Variants in DOCK10 observed in about 807,000 individuals in gnomAD.
The protein encoded by DOCK10 is dedicator of cytokinesis protein 10.
DOCK10 carries 145 observed loss-of-function variants against 280.1 expected under a neutral mutation model. The ratio of observed to expected loss-of-function variants is 0.52; its 90% confidence interval spans 0.45 to 0.59. The LOEUF (loss-of-function observed/expected upper bound fraction) is 0.59. DOCK10 is among the 20% of genes least tolerant of loss of function. DOCK10 has a pLI of 0.00. For synonymous variants in DOCK10, 915 were observed against 942.2 expected (o/e 0.97, Z 0.53); for missense variants, 2,368 against 2,651.7 (o/e 0.89, Z 2.35).
intron 2 of DOCK10, among the ~76,000 whole-genome samples, chr2:224,924,279 C>A (rs548861979): frequency 6.6e-6 from 1 of 152,258 alleles, no homozygotes; most frequent in Admixed American, 6.5e-5. Context: ...CAGAGTTGTG[C>A]AACCATTACC....
At chr2:225,014,088 T>G (rs1263480646) in intron 1 of DOCK10, among the ~76,000 whole-genome samples, 2 of 107,708 alleles carry the variant, frequency 1.9e-5, no homozygotes, top group Admixed American at 1.7e-4. Context: ...TATATTGTTT[T>G]TTTTTTTTTG....
intron 18 of DOCK10, among the ~76,000 whole-genome samples, chr2:224,850,999 T>C (rs1696692801): frequency 6.6e-6 from 1 of 152,200 alleles, no homozygotes; most frequent in South Asian, 2.1e-4. Flanking sequence ...GGTCTAGAGT[T>C]AAGGTCTTGT....
intron 1 of DOCK10, among the ~76,000 whole-genome samples, chr2:224,953,343 G>A (rs1455269692): frequency 6.6e-6 from 1 of 152,090 alleles, no homozygotes; most frequent in Non-Finnish European, 1.5e-5. Context: ...TTGCCTGCAG[G>A]TTAGTTTGCT....
intron 1 of DOCK10, among the ~76,000 whole-genome samples, chr2:224,962,446 C>T (rs559042832): frequency 6.6e-6 from 1 of 152,300 alleles, no homozygotes; most frequent in South Asian, 2.1e-4. Flanking sequence ...AGTCCACTCT[C>T]TACCCACTTT....
At chr2:225,005,402 T>C (rs1706538495) in intron 1 of DOCK10, among the ~76,000 whole-genome samples, 1 of 152,258 alleles carries the variant, frequency 6.6e-6, no homozygotes, top group Non-Finnish European at 1.5e-5. Context: ...TAATTCTAAT[T>C]GGATTTTATA....
intron 11 of DOCK10, among the ~76,000 whole-genome samples, chr2:224,871,874 G>A (rs1298610160): frequency 6.6e-6 from 1 of 152,086 alleles, no homozygotes; most frequent in South Asian, 2.1e-4. Flanking sequence ...TTTGCATAAT[G>A]TGCACTTAAA....
At chr2:224,894,715 T>A (rs1422703002) in intron 4 of DOCK10, among the ~76,000 whole-genome samples, 1 of 152,174 alleles carries the variant, frequency 6.6e-6, no homozygotes, top group Non-Finnish European at 1.5e-5. Flanking sequence ...AACGTTACTG[T>A]TCAGTGTTTT....
rs760975900 is a variant in DOCK10 at position 224,823,521 on chromosome 2, T to C, written c.3163A>G (p.Ser1055Gly). ...ALEETRRANH[S>G]VARFLKRCFT... ...TGTACCTTGAGAAATCTGGCAACGC[T>C]GTGGTTTGCCCTTCTTGTTTCTTCA... Residue 1055 changes from serine to glycine, a missense_variant, in exon 28 of 56, where the codon AGC (serine) becomes GGC (glycine). Physicochemically the swap from Ser to Gly is moderately conservative, Grantham distance 56 (BLOSUM62 0). Transcript: ENST00000258390. The C allele has an allele frequency of 6.2e-7, 1 of 1,604,316 alleles. No homozygotes were observed. Among genetic ancestry groups the C allele is most frequent in the East Asian group, 2.3e-5 (1 of 44,284 alleles).
chr2:224,949,503 T>A (rs1002521959), intron 1 of DOCK10, among the ~76,000 whole-genome samples: 7 of 152,052 alleles, frequency 4.6e-5, no homozygotes, highest in Non-Finnish European at 1.0e-4. Context: ...TACAGAGGAG[T>A]TCATTAGAGT....
intron 53 of DOCK10, among the ~76,000 whole-genome samples, chr2:224,772,488 C>T (rs544593494): frequency 1.3e-5 from 2 of 152,290 alleles, no homozygotes; most frequent in African/African-American, 4.8e-5. Flanking sequence ...CTATCGCTAG[C>T]TGAAGTCACT....
At chr2:225,020,503 C>T (rs1160970040) in intron 1 of DOCK10, among the ~76,000 whole-genome samples, 1 of 152,150 alleles carries the variant, frequency 6.6e-6, no homozygotes, top group Non-Finnish European at 1.5e-5. Flanking sequence ...TGATTGTTCT[C>T]TAAAAAAATC....
chr2:224,817,481 A>G (rs1177456507), intron 29 of DOCK10, among the ~76,000 whole-genome samples: 2 of 152,238 alleles, frequency 1.3e-5, no homozygotes, highest in African/African-American at 2.4e-5. Flanking sequence ...ATATTTTAGA[A>G]TTATATCTTG....
At chr2:224,877,502 C>CTATTG (rs1169851185) in intron 7 of DOCK10, among the ~76,000 whole-genome samples, 2 of 150,384 alleles carry the variant, frequency 1.3e-5, no homozygotes, top group Admixed American at 6.6e-5. Context: ...GGTTCCTATT[C>CTATTG]CAAGTTGACA....
rs1387163624 is a variant in DOCK10, at chr2:224,815,678, G to C, written c.3364+939C>G. Among the ~76,000 whole-genome samples the C allele has an allele frequency of 2.6e-5, 4 of 152,054 alleles. No individual in the cohort carries two copies. The East Asian group carries it at 5.8e-4, about 22-fold the overall frequency. On this transcript the variant is annotated intron_variant, in intron 30 of 55. Coordinates refer to ENST00000258390, the MANE Select transcript of DOCK10 (RefSeq NM_014689.3). ...TCCAGAATACTAGTGTAAGCTAATA[G>C]GTTAAGGAAGTATAATGAGGCTCTT... is the stretch of plus-strand genomic sequence containing the variant.
chr2:224,796,986 G>A lies in DOCK10; in HGVS notation c.4805C>T (p.Ser1602Leu). The stretch of plus-strand genomic sequence containing the variant: ...TACTTGTAAGTGGGACCGGACAATT[G>A]ACTTCTGCTTGTTAAATTCAAAATT... The part of the protein sequence containing the change: ...RKNFEFNKQK[S>L]IVRSHLQLIK... The change falls in exon 43 of 56, where the codon TCA becomes TTA. Residue 1602 changes from serine to leucine, a missense_variant. This residue lies in a region of DOCK10 where 1,159 missense variants were observed against 1,400.8 expected (regional missense o/e 0.83). Coordinates refer to ENST00000258390, the MANE Select transcript of DOCK10 (RefSeq NM_014689.3). The A allele has an allele frequency of 6.2e-7, 1 of 1,613,016 alleles. No individual in the cohort carries two copies. Among genetic ancestry groups the A allele is most frequent in the Non-Finnish European group, 8.5e-7 (1 of 1,179,564 alleles).
chr2:224,833,261 C>G (rs1281947770), intron 26 of DOCK10, among the ~76,000 whole-genome samples: 4 of 151,862 alleles, frequency 2.6e-5, no homozygotes, highest in African/African-American at 7.3e-5. Flanking sequence ...AGTGGGAACG[C>G]CTGGCCTATG....
At chr2:224,855,579 C>A (rs894041388) in intron 15 of DOCK10, among the ~76,000 whole-genome samples, 2 of 152,186 alleles carry the variant, frequency 1.3e-5, no homozygotes, top group African/African-American at 4.8e-5. Flanking sequence ...TATGCGGACA[C>A]CCCTTCCCCA....
At chr2:224,822,119 C>T (rs1464916435) in intron 28 of DOCK10, among the ~76,000 whole-genome samples, 1 of 152,130 alleles carries the variant, frequency 6.6e-6, no homozygotes, top group Non-Finnish European at 1.5e-5. Flanking sequence ...CACACTCACC[C>T]ATATGTTCTG....
intron 2 of DOCK10, among the ~76,000 whole-genome samples, chr2:224,921,322 T>C (rs1004050131): frequency 6.6e-6 from 1 of 150,464 alleles, no homozygotes; most frequent in South Asian, 2.1e-4. Context: ...TAAATAATAA[T>C]ACTAACGTGA....
Sources: allele counts gnomAD v4.1 joint callset (sites outside exome capture counted in the v4.1 genomes callset), GRCh38; gene constraint gnomAD v4.1.1; regional missense constraint gnomAD v4.1.1; transcripts MANE v1.5; gene names NCBI Gene and HGNC (gene_info 2026-07-23, HGNC 2026-07-21).